TUSC3: variants seen among roughly 807,000 people sequenced by gnomAD.
TUSC3 encodes the protein dolichyl-diphosphooligosaccharide--protein glycosyltransferase subunit TUSC3.
Under a neutral mutation model 44.8 loss-of-function variants are expected in TUSC3, and 45 were observed. The observed-to-expected ratio is 1.00, with a 90% CI of 0.79 to 1.29. TUSC3 has a LOEUF of 1.29. Ranked by LOEUF, TUSC3 falls within the 50% of genes most tolerant of loss-of-function variation. The pLI, the probability that TUSC3 is intolerant of heterozygous loss-of-function variation, is 0.00. For synonymous variants in TUSC3, 212 were observed against 152.9 expected, an observed-to-expected ratio of 1.39 and a Z score of -2.85; for missense variants, 519 against 437.9, an observed-to-expected ratio of 1.19 and a Z score of -1.65.
chr8:15,496,411 A>T (rs963443029), intron 2 of TUSC3, among the ~76,000 whole-genome samples: 12 of 152,170 alleles, frequency 7.9e-5, no homozygotes, highest in African/African-American at 2.4e-4. Context: ...GTTCAATCCA[A>T]TATTCTGGAA....
chr8:15,597,929 ATT>A (rs1804136076), intron 1 of TUSC3, among the ~76,000 whole-genome samples: 1 of 152,074 alleles, frequency 6.6e-6, no homozygotes, highest in South Asian at 2.1e-4. Context: ...GTAAATGTTT[ATT>A]GATCAGCATT....
chr8:15,524,216 A>C (rs980779452), intron 2 of TUSC3, among the ~76,000 whole-genome samples: 1 of 152,128 alleles, frequency 6.6e-6, no homozygotes, highest in Non-Finnish European at 1.5e-5. Context: ...TAAAAATACA[A>C]ATATTAAATA....
At chr8:15,824,226 C>T in the TUSC3 span, among the ~76,000 whole-genome samples, 1 of 151,950 alleles carries the variant, frequency 6.6e-6, no homozygotes, top group African/African-American at 2.4e-5. Context: ...TATTAATATC[C>T]GATTATTACC....
chr8:15,764,123 A>G, intron 10 of TUSC3, 80 bp from the exon 11 acceptor site: 1 of 1,326,612 alleles, frequency 7.5e-7, no homozygotes, highest in East Asian at 2.4e-5. Flanking sequence ...TACATGTGCT[A>G]ATTTAGAATG....
At chr8:15,696,480 G>T (rs560066270) in intron 6 of TUSC3, among the ~76,000 whole-genome samples, 4 of 152,286 alleles carry the variant, frequency 2.6e-5, no homozygotes, top group African/African-American at 9.6e-5. Flanking sequence ...ACTGTGGAAG[G>T]GAAATGTGGG....
At chr8:15,746,505 A>T (rs149032126) in intron 8 of TUSC3, among the ~76,000 whole-genome samples, 1 of 148,482 alleles carries the variant, frequency 6.7e-6, no homozygotes, top group Admixed American at 6.7e-5. Context: ...GTAGTATCTC[A>T]TGTGGCTGCC....
At chr8:15,431,641 C>T (rs1160198726) in intron 1 of TUSC3, among the ~76,000 whole-genome samples, 1 of 146,766 alleles carries the variant, frequency 6.8e-6, no homozygotes, top group Non-Finnish European at 1.5e-5. Context: ...TTGCTTCTTC[C>T]TTTCTGATTT....
chr8:15,636,100 C>T (rs986462646), intron 2 of TUSC3, among the ~76,000 whole-genome samples: 3 of 152,152 alleles, frequency 2.0e-5, no homozygotes, highest in African/African-American at 7.2e-5. Context: ...ACTATGAGGA[C>T]TGCCTTGAGT....
intron 1 of TUSC3, among the ~76,000 whole-genome samples, chr8:15,453,385 C>T (rs114342502): frequency 6.6e-6 from 1 of 152,114 alleles, no homozygotes; most frequent in African/African-American, 2.4e-5. Flanking sequence ...TGCCTGCTTA[C>T]TTTTATGGCA....
Position 15,448,931 on chromosome 8 carries a change from AT to A in TUSC3, n.91+31634del, listed in dbSNP as rs941630572. 1.3e-3 allele frequency among the ~76,000 whole-genome samples: 203 copies of A among 152,048 alleles called. 1 individual carries two copies. The highest frequency in any genetic ancestry group is 4.6e-3 in the African/African-American group (190 of 41,466). On this transcript the variant is annotated intron_variant and non_coding_transcript_variant, in intron 1 of 5. Coordinates refer to the TUSC3 transcript ENST00000503191. Reference sequence around the variant, plus strand: ...TATAACATCATAGTGCTTTTACTTTATTTTTTTTAATAAATTTAGCATAGAC... The same window carrying A: ...TATAACATCATAGTGCTTTTACTTTATTTTTTTAATAAATTTAGCATAGAC...
chr8:15,480,363 C>A (rs1199522523), intron 1 of TUSC3, among the ~76,000 whole-genome samples: 25 of 152,198 alleles, frequency 1.6e-4, no homozygotes, highest in Admixed American at 1.6e-3. Context: ...TAAACATTTT[C>A]ATGAACATAT....
At chr8:15,673,369 T>C (rs1193523088) in intron 5 of TUSC3, among the ~76,000 whole-genome samples, 3 of 152,070 alleles carry the variant, frequency 2.0e-5, no homozygotes, top group Non-Finnish European at 2.9e-5. Context: ...TTAGAGGATA[T>C]AGAAGATGAT....
At chr8:15,638,763 T>G (rs1231790915) in intron 2 of TUSC3, among the ~76,000 whole-genome samples, 2 of 152,168 alleles carry the variant, frequency 1.3e-5, no homozygotes, top group African/African-American at 4.8e-5. Context: ...CAACCTCAAG[T>G]GATCCACCTG....
chr8:15,630,639 A>G (rs1231623445), intron 2 of TUSC3, among the ~76,000 whole-genome samples: 2 of 152,114 alleles, frequency 1.3e-5, no homozygotes, highest in African/African-American at 4.8e-5. Flanking sequence ...TTAAGTGCAC[A>G]TATTCATTAT....
At chr8:15,690,009 A>AT (rs1488592599) in intron 6 of TUSC3, among the ~76,000 whole-genome samples, 2 of 152,134 alleles carry the variant, frequency 1.3e-5, no homozygotes, top group African/African-American at 2.4e-5. Flanking sequence ...AACAATTTAT[A>AT]TTTTTTGGGG....
intron 10 of TUSC3, among the ~76,000 whole-genome samples, chr8:15,762,911 TGGAGATGG>T (rs1812215674): frequency 2.0e-5 from 3 of 151,564 alleles, no homozygotes; most frequent in Non-Finnish European, 4.4e-5. Flanking sequence ...ACATTCTTCA[TGGAGATGG>T]TCACCCTTAT....
the TUSC3 span, among the ~76,000 whole-genome samples, chr8:15,792,139 CA>C: frequency 4.9e-4 from 75 of 152,128 alleles, no homozygotes; most frequent in African/African-American, 1.7e-3. Context: ...CACACACACA[CA>C]CACACCCTCT....
intron 1 of TUSC3, among the ~76,000 whole-genome samples, chr8:15,607,807 T>C (rs909249159): frequency 3.9e-5 from 6 of 151,964 alleles, no homozygotes; most frequent in Admixed American, 6.6e-5. Context: ...TCTGTATTGA[T>C]TGACTATATG....
the TUSC3 span, among the ~76,000 whole-genome samples, chr8:15,813,503 G>A: frequency 3.9e-5 from 6 of 152,066 alleles, no homozygotes; most frequent in Middle Eastern, 3.2e-3. Context: ...TAGAAAGTAC[G>A]AGGTAATCAT....
Sources: gnomAD v4.1 joint callset for allele counts (sites outside exome capture counted in the v4.1 genomes callset) on GRCh38, gnomAD v4.1.1 for gene constraint, MANE v1.5 for transcripts, NCBI Gene and HGNC (gene_info 2026-07-23, HGNC 2026-07-21) for gene names.